ARHGAP32: variants seen among roughly 807,000 people sequenced by gnomAD.
The protein encoded by ARHGAP32 is Rho GTPase activating protein 32, also known as rho GTPase-activating protein 32.
A neutral mutation model predicts 186.5 loss-of-function variants in ARHGAP32; 51 were observed. The observed-to-expected ratio is 0.27, with a 90% CI of 0.22 to 0.35. The LOEUF is 0.35. Among genes scored for constraint, ARHGAP32 ranks in the 10% least tolerant of loss-of-function variants. ARHGAP32 has a pLI of 1.00. For synonymous variants in ARHGAP32, 950 were observed against 964.3 expected, an observed-to-expected ratio of 0.99 and a Z score of 0.27; for missense variants, 2,186 against 2,623.5, an observed-to-expected ratio of 0.83 and a Z score of 3.64.
At chr11:129,057,584 AC>A (rs1940304273) in intron 10 of ARHGAP32, among the ~76,000 whole-genome samples, 1 of 151,280 alleles carries the variant, frequency 6.6e-6, no homozygotes, top group East Asian at 1.9e-4. Context: ...TGGTTCCAGA[AC>A]CCCCTCATAT....
At chr11:129,051,194 T>A (rs1255532978) in intron 10 of ARHGAP32, among the ~76,000 whole-genome samples, 1 of 152,220 alleles carries the variant, frequency 6.6e-6, no homozygotes, top group Non-Finnish European at 1.5e-5. Context: ...TATTTCTGGT[T>A]CTAGATCCTT....
intron 10 of ARHGAP32, among the ~76,000 whole-genome samples, chr11:129,044,975 T>G (rs1033933384): frequency 5.3e-5 from 8 of 152,132 alleles, no homozygotes; most frequent in Non-Finnish European, 1.0e-4. Flanking sequence ...ATCACATACA[T>G]TAGTTACATT....
At chr11:129,095,969 A>G (rs989765565) in intron 5 of ARHGAP32, among the ~76,000 whole-genome samples, 2 of 152,240 alleles carry the variant, frequency 1.3e-5, no homozygotes, top group Admixed American at 6.5e-5. Flanking sequence ...AAACTCAATC[A>G]AAGTAAAGCT....
At chr11:129,018,327 C>T (rs1938448682) in intron 11 of ARHGAP32, among the ~76,000 whole-genome samples, 1 of 151,984 alleles carries the variant, frequency 6.6e-6, no homozygotes, top group Admixed American at 6.6e-5. Context: ...CACAGAAGAA[C>T]TGTATTGGGT....
intron 1 of ARHGAP32, among the ~76,000 whole-genome samples, chr11:129,174,067 CAGGA>C (rs1943838324): frequency 6.6e-6 from 1 of 152,186 alleles, no homozygotes; most frequent in Non-Finnish European, 1.5e-5. Context: ...ACAGTGGGCA[CAGGA>C]CAGTGGGTGC....
In ARHGAP32 at chr11:128,974,802, G is replaced by A; in HGVS notation, c.2395C>T (p.Pro799Ser). The A allele has an allele frequency of 2.5e-6, 4 of 1,614,062 alleles. No homozygotes were observed. Among genetic ancestry groups the A allele is most frequent in the Non-Finnish European group, 3.4e-6 (4 of 1,179,996 alleles). The change falls in exon 21 of 23, where the codon CCA (proline) becomes TCA (serine). Residue 799 changes from proline to serine, a missense_variant. Physicochemically the swap from Pro to Ser is moderately conservative, Grantham distance 74 (BLOSUM62 -1). Coordinates refer to ENST00000682385, the MANE Select transcript of ARHGAP32 (RefSeq NM_001378024.1). ...PHSAEDVDLS[P>S]PDIGVASLDF... ...AGGCTGGCTACTCCAATGTCTGGTGGGCTCAAGTCAACATCCTCAGCTGAA... is the reference window on the plus strand; with the variant it reads ...AGGCTGGCTACTCCAATGTCTGGTGAGCTCAAGTCAACATCCTCAGCTGAA...
At chr11:129,142,350 C>T (rs1176886771) in intron 2 of ARHGAP32, among the ~76,000 whole-genome samples, 2 of 152,054 alleles carry the variant, frequency 1.3e-5, no homozygotes, top group East Asian at 1.9e-4. Flanking sequence ...GTAGGATGTC[C>T]CAACTCCAGA....
At chr11:129,152,241 T>G (rs1943303542) in intron 2 of ARHGAP32, among the ~76,000 whole-genome samples, 1 of 152,074 alleles carries the variant, frequency 6.6e-6, no homozygotes, top group African/African-American at 2.4e-5. Context: ...CAAACAGTAA[T>G]TTTTAAAATG....
intron 1 of ARHGAP32, among the ~76,000 whole-genome samples, chr11:129,273,055 A>C (rs943694448): frequency 6.6e-6 from 1 of 152,206 alleles, no homozygotes; most frequent in Non-Finnish European, 1.5e-5. Flanking sequence ...GGAGTCTACA[A>C]AGCCCATTTT....
rs368242989 is a variant in ARHGAP32 at position 129,246,907 on chromosome 11, G to A, written c.-5+32239C>T. Among the ~76,000 whole-genome samples, 79 of 152,276 alleles carry A rather than the reference G, an allele frequency of 5.2e-4. No individual in the cohort carries two copies. The East Asian group carries it at 8.5e-3, about 16-fold the overall frequency. ...AAATAGGTCTTTTAAGAGAAGATGT[G>A]TATCATAATATCAGTGTTTCAGTTT... On this transcript the variant is annotated intron_variant, in intron 1 of 6. Coordinates refer to the ARHGAP32 transcript ENST00000525234.
chr11:128,970,084 A>G lies in ARHGAP32; in HGVS notation c.5129T>C (p.Leu1710Pro), dbSNP rs146712176. The change falls in exon 23 of 23, where the codon CTG becomes CCG. Residue 1710 changes from leucine to proline, a missense_variant. Physicochemically the swap from Leu to Pro is moderately conservative, Grantham distance 98. Transcript: ENST00000682385. The surrounding 1 kb of genome is among the most constrained non-coding windows in gnomAD (Gnocchi z 5.8). The stretch of plus-strand genomic sequence containing the variant: ...ATAACTGTACAAGCTCTTTCCTTGC[A>G]GCCTAGGATTGTAGAAAGCAAAGTC... The part of the protein sequence containing the change: ...NRDFAFYNPR[L>P]QGKSLYSYAG... 46 of 1,614,182 alleles carry G rather than the reference A, an allele frequency of 2.8e-5. No homozygotes were observed. In the East Asian group the frequency reaches 1.0e-3, roughly 35 times the overall value.
chr11:129,238,981 C>T (rs376815590), intron 1 of ARHGAP32, among the ~76,000 whole-genome samples: 1 of 151,944 alleles, frequency 6.6e-6, no homozygotes. Flanking sequence ...ACTACAGGCA[C>T]ATACCACCAT....
At chr11:129,118,830 T>C (rs918196710) in intron 5 of ARHGAP32, among the ~76,000 whole-genome samples, 1 of 151,996 alleles carries the variant, frequency 6.6e-6, no homozygotes, top group East Asian at 1.9e-4. Flanking sequence ...ACAGGTTAAC[T>C]TCACCAACAA....
Position 128,974,905 on chromosome 11 carries a change from G to A in ARHGAP32, c.2292C>T (p.Ser764=). The A allele has an allele frequency of 6.2e-7, 1 of 1,614,164 alleles. No homozygotes were observed. Among genetic ancestry groups the A allele is most frequent in the Non-Finnish European group, 8.5e-7 (1 of 1,180,022 alleles). Reference sequence around the variant, plus strand: ...CATTGTCATGAGGCAGATTATCATAGGAGTTACAGCGGTTCCCCAGCATTT... The same window carrying A: ...CATTGTCATGAGGCAGATTATCATAAGAGTTACAGCGGTTCCCCAGCATTT... The part of the protein sequence containing the change: ...NGEMLGNRCN[S]YDNLPHDNES... The change falls in exon 21 of 23, where the codon TCC becomes TCT. Residue 764 remains serine (S), a synonymous_variant. Transcript: ENST00000682385.
At chr11:129,275,569 A>C (rs1565487395) in intron 1 of ARHGAP32, among the ~76,000 whole-genome samples, 2 of 152,236 alleles carry the variant, frequency 1.3e-5, no homozygotes, top group Non-Finnish European at 1.5e-5. Flanking sequence ...GTAAAAAAAA[A>C]AGTTAAGTCC....
chr11:128,996,808 G>T (rs500400), intron 12 of ARHGAP32, among the ~76,000 whole-genome samples: 3 of 151,720 alleles, frequency 2.0e-5, no homozygotes, highest in Non-Finnish European at 2.9e-5. Flanking sequence ...TGGAGACAAG[G>T]TCTTGCTCCG....
At chr11:129,063,815 A>G in intron 9 of ARHGAP32, 87 bp downstream of exon 9, 1 of 1,377,608 alleles carries the variant, frequency 7.3e-7, no homozygotes, top group South Asian at 1.8e-5. Context: ...ATTTTTTTAA[A>G]AATTAAGGAA....
chr11:129,241,683 A>G (rs1042096118), intron 1 of ARHGAP32, among the ~76,000 whole-genome samples: 1 of 152,292 alleles, frequency 6.6e-6, no homozygotes, highest in South Asian at 2.1e-4. Flanking sequence ...TAGATACTCT[A>G]CTGGATTTAG....
intron 10 of ARHGAP32, among the ~76,000 whole-genome samples, chr11:129,049,020 T>C (rs548478292): frequency 1.3e-4 from 20 of 151,896 alleles, no homozygotes; most frequent in Non-Finnish European, 5.9e-5. Context: ...AAGTCGGAGA[T>C]CCTGGATGAT....
Sources: gnomAD v4.1 joint callset for allele counts (sites outside exome capture counted in the v4.1 genomes callset) on GRCh38, gnomAD v4.1.1 for gene constraint, Gnocchi (gnomAD v3.1) non-coding constraint, MANE v1.5 for transcripts, NCBI Gene and HGNC (gene_info 2026-07-23, HGNC 2026-07-21) for gene names.